The following MATN3 variants were observed in gnomAD, a reference collection of about 807,000 sequenced individuals.
MATN3 encodes the protein matrilin 3, also known as matrilin-3.
MATN3 carries 48 observed loss-of-function variants against 45.3 expected under a neutral mutation model. The ratio of observed to expected loss-of-function variants is 1.06; its 90% CI spans 0.84 to 1.35. The LOEUF is 1.35. MATN3 is among the 40% of genes most tolerant of loss of function. MATN3 has a pLI of 0.00. For synonymous variants in MATN3, 217 were observed against 245.9 expected (o/e 0.88, Z 1.10); for missense variants, 599 against 628.0 (o/e 0.95, Z 0.49).
chr2:19,992,302 G>A lies in MATN3; in HGVS notation c.*809C>T, dbSNP rs1672773012. On this transcript the variant is annotated 3_prime_UTR_variant, in exon 8 of 8. Transcript: ENST00000407540. ...GCCTGTAATCCCAGCACTTTGGGAG[G>A]CTGAGGCAGGTGGATCACTAACATT... is the stretch of plus-strand genomic sequence containing the variant. The A allele has an allele frequency of 6.6e-6, 1 of 152,126 alleles. No homozygotes were observed. 9.4% of individuals were successfully genotyped at this position (152,126 alleles called of 1,614,324 possible). A position where few individuals can be genotyped will look rare whatever the true frequency, so the allele number is the denominator to read the frequency against.
At chr2:19,997,638 C>A in intron 5 of MATN3, 1 of 158,860 alleles carries the variant, frequency 6.3e-6, no homozygotes, top group Non-Finnish European at 1.4e-5. Flanking sequence ...TCATCATCAC[C>A]AAAAGTAATG....
Position 20,001,957 on chromosome 2 carries a change from G to C in MATN3, c.1040C>G (p.Ser347Ter). Residue 347 changes from serine (S) to a stop codon, truncating the protein, a stop_gained and splice_region_variant, in exon 4 of 8, where the codon TCA becomes TGA. Transcript: ENST00000407540. LOFTEE classifies it high-confidence loss of function. ...YTLNEDRKTC[S>*]AQDKCALGTH... ...GTAAAGACTCCTCCCTCACTTACCTGAACAAGTTTTCCTGTCTTCATTCAA... is the reference window on the plus strand; with the variant it reads ...GTAAAGACTCCTCCCTCACTTACCTCAACAAGTTTTCCTGTCTTCATTCAA... 4 of 1,612,840 alleles carry C rather than the reference G, an allele frequency of 2.5e-6. No homozygotes were observed. The highest frequency in any genetic ancestry group is 3.4e-6 in the Non-Finnish European group (4 of 1,179,352).
Position 20,003,299 on chromosome 2 carries a change from G to A in MATN3, c.791-13C>T. 1.2e-6 allele frequency: 2 copies of A among 1,602,546 alleles called. No homozygotes were observed. Among genetic ancestry groups the A allele is most frequent in the Non-Finnish European group, 1.7e-6 (2 of 1,171,924 alleles). On this transcript the variant is annotated splice_polypyrimidine_tract_variant and intron_variant, in intron 2 of 7. Transcript: ENST00000407540. ...CAGGGGTCCAGCGCTGTGAGAGGAAGTTTACAACAGTCAGCACTGACACTT... is the reference window on the plus strand; with the variant it reads ...CAGGGGTCCAGCGCTGTGAGAGGAAATTTACAACAGTCAGCACTGACACTT...
intron 4 of MATN3, among the ~76,000 whole-genome samples, chr2:20,000,945 T>G (rs1426740679): frequency 6.6e-6 from 1 of 152,170 alleles, no homozygotes; most frequent in Non-Finnish European, 1.5e-5. Context: ...TTGAAGAAAT[T>G]GTAGTTCAAC....
At chr2:20,010,829 G>T (rs891150525) in intron 1 of MATN3, among the ~76,000 whole-genome samples, 2 of 152,212 alleles carry the variant, frequency 1.3e-5, no homozygotes, top group Non-Finnish European at 2.9e-5. Context: ...ACAGTAATTT[G>T]TTACAGTGGC....
At chr2:20,007,551 A>G (rs2103484808) in intron 1 of MATN3, among the ~76,000 whole-genome samples, 1 of 152,330 alleles carries the variant, frequency 6.6e-6, no homozygotes, top group South Asian at 2.1e-4. Context: ...AGAATGAGGG[A>G]TGCCAACTTA....
At chr2:20,006,391 G>T in intron 1 of MATN3, 81 bp from the exon 2 acceptor site, 1 of 1,099,712 alleles carries the variant, frequency 9.1e-7, no homozygotes, top group Non-Finnish European at 1.3e-6. Flanking sequence ...GATTCCAGGA[G>T]GCCAGGCAAG....
chr2:20,000,571 G>C lies in MATN3; in HGVS notation c.1043-5C>G. On this transcript the variant is annotated splice_region_variant and splice_polypyrimidine_tract_variant and intron_variant, in intron 4 of 7. Coordinates refer to ENST00000407540, the MANE Select transcript of MATN3 (RefSeq NM_002381.5). Reference sequence around the variant, plus strand: ...CCAAAGCACATTTATCTTGAGCTGTGAAACAAAAAGTCAGGAGAAAAGAAA... The same window carrying C: ...CCAAAGCACATTTATCTTGAGCTGTCAAACAAAAAGTCAGGAGAAAAGAAA... 4 of 1,603,184 alleles carry C rather than the reference G, an allele frequency of 2.5e-6. No homozygotes were observed. Among genetic ancestry groups the C allele is most frequent in the Non-Finnish European group, 3.4e-6 (4 of 1,176,780 alleles).
intron 5 of MATN3, 65 bp downstream of exon 5, chr2:20,000,376 G>A: frequency 2.1e-6 from 3 of 1,446,906 alleles, no homozygotes; most frequent in South Asian, 2.6e-5. Flanking sequence ...CTCTTTGCTG[G>A]TGAGTTGCAA....
rs554405261 is a variant in MATN3 at position 20,003,068 on chromosome 2, G to C, written c.916+93C>G. On this transcript the variant is annotated intron_variant, in intron 3 of 7. Coordinates refer to ENST00000407540, the MANE Select transcript of MATN3 (RefSeq NM_002381.5). ...AGCCAAAAGGCAGTTAGGTAAAAAG[G>C]GGTCAGAGAGTCAAAGCACAAGGCC... 28 of 1,466,596 alleles carry C rather than the reference G, an allele frequency of 1.9e-5. No homozygotes were observed. The East Asian group carries it at 6.1e-4, about 32-fold the overall frequency. 90.8% of individuals were successfully genotyped at this position (1,466,596 alleles called of 1,614,324 possible). A position where few individuals can be genotyped will look rare whatever the true frequency, so the allele number is the denominator to read the frequency against.
In MATN3 at chr2:20,000,525, T is replaced by C. The variant is rs367990044; in HGVS notation, c.1084A>G (p.Ile362Val). ...CALGTHGCQHICVNDRTGSHH... is the reference protein window; with the variant it reads ...CALGTHGCQHVCVNDRTGSHH... ...GACCCTGTTCTGTCATTCACACAAA[T>C]GTGCTGACACCCATGGGTACCCAAA... The change falls in exon 5 of 8, where the codon ATT (isoleucine) becomes GTT (valine). Residue 362 changes from isoleucine to valine, a missense_variant. Physicochemically the swap from Ile to Val is conservative, Grantham distance 29. Transcript: ENST00000407540. 78 of 1,612,330 alleles carry C rather than the reference T, an allele frequency of 4.8e-5. 1 individual carries two copies. The highest frequency in any genetic ancestry group is 6.4e-5 in the Non-Finnish European group (76 of 1,179,216).
Position 20,000,470 on chromosome 2 carries a change from G to A in MATN3, c.1139C>T (p.Thr380Ile), listed in dbSNP as rs1672962802. Residue 380 changes from threonine to isoleucine, a missense_variant, in exon 5 of 8, where the codon ACT becomes ATT. Coordinates refer to ENST00000407540, the MANE Select transcript of MATN3 (RefSeq NM_002381.5). ...ACATGTTTTTTTATCTGCATTCAGA[G>A]TGTAGCCCTCATAGCATTCACAATG... ...SHHCECYEGYTLNADKKTCSV... is the reference protein window; with the variant it reads ...SHHCECYEGYILNADKKTCSV... The A allele has an allele frequency of 6.2e-7, 1 of 1,612,042 alleles. No homozygotes were observed. Among genetic ancestry groups the A allele is most frequent in the Non-Finnish European group, 8.5e-7 (1 of 1,179,036 alleles).
chr2:19,998,717 C>T (rs1268130850), intron 5 of MATN3, among the ~76,000 whole-genome samples: 2 of 151,916 alleles, frequency 1.3e-5, no homozygotes, highest in Non-Finnish European at 2.9e-5. Context: ...GATCACACCA[C>T]CGCACTCCAG....
At chr2:20,002,189 C>G (rs866991699) in intron 3 of MATN3, 109 bp from the exon 4 acceptor site, 7 of 863,222 alleles carry the variant, frequency 8.1e-6, no homozygotes, top group Non-Finnish European at 1.2e-5. Context: ...CACACACACA[C>G]ACAGAGCTAA....
chr2:19,994,561 A>G (rs1355709869), intron 6 of MATN3, among the ~76,000 whole-genome samples, 152 bp from the exon 7 acceptor site: 4 of 152,272 alleles, frequency 2.6e-5, no homozygotes, highest in African/African-American at 4.8e-5. Context: ...ACAAACAAAA[A>G]GACGAGAAAA....
At chr2:20,007,615 C>G (rs1224171750) in intron 1 of MATN3, among the ~76,000 whole-genome samples, 2 of 152,238 alleles carry the variant, frequency 1.3e-5, no homozygotes, top group Admixed American at 1.3e-4. Flanking sequence ...TCGTAAGAAG[C>G]AGGGATTGTG....
Position 20,006,038 on chromosome 2 carries a change from T to C in MATN3, c.496A>G (p.Ile166Val), listed in dbSNP as rs761650716. The C allele has an allele frequency of 1.2e-6, 2 of 1,613,902 alleles. No homozygotes were observed. Among genetic ancestry groups the C allele is most frequent in the African/African-American group, 1.3e-5 (1 of 74,936 alleles). The change falls in exon 2 of 8, where the codon ATC becomes GTC. Residue 166 changes from isoleucine (I) to valine (V), a missense_variant. Ile to Val is a conservative substitution (Grantham distance 29). Coordinates refer to ENST00000407540, the MANE Select transcript of MATN3 (RefSeq NM_002381.5). ...LSTGTMSGLA[I>V]QTAMDEAFTV... ...AAGGCTTCGTCCATTGCTGTCTGGA[T>C]GGCTAGGCCTGACATGGTGCCTGTT...
At chr2:20,010,230 A>T (rs1673194489) in intron 1 of MATN3, among the ~76,000 whole-genome samples, 2 of 152,170 alleles carry the variant, frequency 1.3e-5, no homozygotes, top group Admixed American at 1.3e-4. Flanking sequence ...TAACATGAAG[A>T]TATGAACTCT....
In MATN3 at chr2:19,994,377, C is replaced by T. The variant is rs765225262; in HGVS notation, c.1327G>A (p.Glu443Lys). 1 of 1,613,252 alleles carries T rather than the reference C, an allele frequency of 6.2e-7. No homozygotes were observed. The highest frequency in any genetic ancestry group is 8.5e-7 in the Non-Finnish European group (1 of 1,179,466). Residue 443 changes from glutamate (E) to lysine (K), a missense_variant, in exon 7 of 8, where the codon GAA (glutamate) becomes AAA (lysine). By Grantham distance (56) the Glu-to-Lys change is moderately conservative. Transcript: ENST00000407540. Reference protein sequence around the residue: ...TEEARRLVSTEDACGCEATLA... With the variant: ...TEEARRLVSTKDACGCEATLA... ...GTAGCTTCACATCCACAAGCATCTTCAGTGGAAACAAGTCTTCGTGCTTCC... is the reference window on the plus strand; with the variant it reads ...GTAGCTTCACATCCACAAGCATCTTTAGTGGAAACAAGTCTTCGTGCTTCC...
Sources: allele counts gnomAD v4.1 joint callset (sites outside exome capture counted in the v4.1 genomes callset), GRCh38; gene constraint gnomAD v4.1.1; transcripts MANE v1.5; gene names NCBI Gene and HGNC (gene_info 2026-07-23, HGNC 2026-07-21).